The following ENPP2 variants were observed in gnomAD, a reference collection of about 807,000 sequenced individuals.
The protein encoded by ENPP2 is ectonucleotide pyrophosphatase/phosphodiesterase 2, also known as autotaxin.
A neutral mutation model predicts 120.2 loss-of-function variants in ENPP2; 51 were observed. The ratio of observed to expected loss-of-function variants is 0.42; its 90% CI spans 0.34 to 0.54. The LOEUF (loss-of-function observed/expected upper bound fraction) is 0.54. Ranked by LOEUF, ENPP2 falls within the 20% of genes least tolerant of loss-of-function variation. The probability of loss-of-function intolerance (pLI) is 0.04; values close to 1 mark genes in which losing one functional copy is unlikely to be tolerated. For synonymous variants in ENPP2, 365 were observed against 366.4 expected, an observed-to-expected ratio of 1.00 and a Z score of 0.04; for missense variants, 920 against 1,066.5, an observed-to-expected ratio of 0.86 and a Z score of 1.91.
At chr8:119,672,688 T>G (rs1818286063) in intron 1 of ENPP2, among the ~76,000 whole-genome samples, 1 of 152,242 alleles carries the variant, frequency 6.6e-6, no homozygotes, top group Non-Finnish European at 1.5e-5. Context: ...TGCCGAATTG[T>G]GCACGTCAAT....
chr8:119,663,694 G>A (rs1817990129), intron 1 of ENPP2, among the ~76,000 whole-genome samples: 1 of 152,152 alleles, frequency 6.6e-6, no homozygotes, highest in African/African-American at 2.4e-5. Flanking sequence ...TAACTCCCCT[G>A]TGTAGAAGCC....
At chr8:119,571,476 G>A (rs1024003014) in intron 19 of ENPP2, 1 of 152,098 alleles carries the variant, frequency 6.6e-6, no homozygotes, top group Non-Finnish European at 1.5e-5. Flanking sequence ...AGAACTCAAT[G>A]AAGACCCCCA....
At chr8:119,618,561 TTA>T (rs1009830395) in intron 5 of ENPP2, 1 of 312,774 alleles carries the variant, frequency 3.2e-6, no homozygotes, top group African/African-American at 2.2e-5. Context: ...TTTTTTTTTT[TTA>T]GAGGGGGTCT....
chr8:119,560,726 A>G (rs2129891584), intron 24 of ENPP2, among the ~76,000 whole-genome samples: 1 of 152,274 alleles, frequency 6.6e-6, no homozygotes, highest in Middle Eastern at 3.4e-3. Flanking sequence ...CCAAGGTTCT[A>G]CTATGGAAGT....
chr8:119,619,370 A>G, intron 4 of ENPP2, 66 bp from the exon 5 acceptor site: 1 of 1,078,848 alleles, frequency 9.3e-7, no homozygotes, highest in South Asian at 1.3e-5. Context: ...TGAAGCTCAC[A>G]ATTCCAGGAT....
At chr8:119,663,052 G>A (rs976417047) in intron 1 of ENPP2, among the ~76,000 whole-genome samples, 2 of 150,740 alleles carry the variant, frequency 1.3e-5, no homozygotes, top group Non-Finnish European at 2.9e-5. Context: ...GGGAGGTGGA[G>A]GTTCCAGCGA....
chr8:119,672,689 G>A lies in ENPP2; in HGVS notation c.21+563C>T, dbSNP rs1359896616. 1.3e-5 allele frequency among the ~76,000 whole-genome samples: 2 copies of A among 152,242 alleles called. 1 individual carries two copies. Among genetic ancestry groups the A allele is most frequent in the Non-Finnish European group, 2.9e-5 (2 of 68,036 alleles). On this transcript the variant is annotated intron_variant, in intron 1 of 25. Transcript: ENST00000427067. ...CAAGAAACTGGCTGTGCCGAATTGTGCACGTCAATCAACATCTTTGTGGAG... is the reference window on the plus strand; with the variant it reads ...CAAGAAACTGGCTGTGCCGAATTGTACACGTCAATCAACATCTTTGTGGAG...
chr8:119,576,807 T>C (rs928282262), intron 19 of ENPP2, among the ~76,000 whole-genome samples: 4 of 152,130 alleles, frequency 2.6e-5, no homozygotes. Flanking sequence ...GATCCAGAAA[T>C]AACAACAGGC....
chr8:119,568,045 C>T (rs1380132950), intron 22 of ENPP2, 130 bp downstream of exon 22: 51 of 598,380 alleles, frequency 8.5e-5, no homozygotes, highest in Non-Finnish European at 3.0e-6. Context: ...GAAAGATCCT[C>T]AAAAATTATA....
rs749822653 is a variant in ENPP2, at chr8:119,593,903, T to C, written c.973-43A>G. 1.3e-5 allele frequency: 15 copies of C among 1,154,698 alleles called. No individual in the cohort carries two copies. The Admixed American group carries it at 2.4e-4, about 18-fold the overall frequency. The allele number at this position is 1,154,698 out of a possible 1,614,324, so 71.5% of individuals were successfully genotyped here. The stretch of plus-strand genomic sequence containing the variant: ...GTTAGTCCCCACAGGGTTTTCTTTC[T>C]TTCCCTTTCAGTCTCTCATAGATCT... On this transcript the variant is annotated intron_variant, in intron 11 of 24. Coordinates refer to ENST00000075322, the MANE Select transcript of ENPP2 (RefSeq NM_001040092.3).
At chr8:119,576,497 C>T (rs1203276040) in intron 19 of ENPP2, among the ~76,000 whole-genome samples, 1 of 152,122 alleles carries the variant, frequency 6.6e-6, no homozygotes, top group East Asian at 1.9e-4. Flanking sequence ...GATAAGGAGC[C>T]AAGTATACAT....
intron 1 of ENPP2, among the ~76,000 whole-genome samples, chr8:119,649,970 T>C (rs947178418): frequency 2.6e-5 from 4 of 152,146 alleles, no homozygotes; most frequent in African/African-American, 9.7e-5. Context: ...AGTTTGGCAG[T>C]TTCTTAAAAT....
At chr8:119,626,985 G>A (rs1424609331) in intron 2 of ENPP2, among the ~76,000 whole-genome samples, 3 of 152,014 alleles carry the variant, frequency 2.0e-5, no homozygotes, top group Non-Finnish European at 2.9e-5. Flanking sequence ...ACACTTAGCC[G>A]CATGTCAGAC....
chr8:119,583,034 CT>C (rs1157658385), intron 17 of ENPP2, among the ~76,000 whole-genome samples: 2 of 152,236 alleles, frequency 1.3e-5, no homozygotes, highest in African/African-American at 4.8e-5. Context: ...CCTCTAATGA[CT>C]CCACAGAAGT....
At chr8:119,671,882 A>C (rs1818259957) in intron 1 of ENPP2, among the ~76,000 whole-genome samples, 1 of 152,186 alleles carries the variant, frequency 6.6e-6, no homozygotes, top group Admixed American at 6.5e-5. Context: ...TTAAGTATTA[A>C]ATTGTAACTC....
chr8:119,569,189 T>C (rs1302612426), intron 21 of ENPP2, 46 bp downstream of exon 21: 5 of 1,587,572 alleles, frequency 3.1e-6, no homozygotes, highest in Admixed American at 1.7e-5. Flanking sequence ...GATTGCACAA[T>C]GTGACATCCC....
At chr8:119,673,319 GGCC>G (rs1165126582) in exon 1 of ENPP2, 2 of 1,533,340 alleles carry the variant, frequency 1.3e-6, no homozygotes, top group African/African-American at 2.7e-5. Context: ...CTGCGGACGC[GGCC>G]TGGGCTGCAG....
rs879100872 is a variant in ENPP2, at chr8:119,586,040, GT to G, written c.1367+145del. On this transcript the variant is annotated intron_variant, in intron 15 of 24. Coordinates refer to ENST00000075322, the MANE Select transcript of ENPP2 (RefSeq NM_001040092.3). ...GAGATATATTGTCTCAGCACTGATGGTTTATGTAGCCCACAAAATCTTTGGA... is the reference window on the plus strand; with the variant it reads ...GAGATATATTGTCTCAGCACTGATGGTTATGTAGCCCACAAAATCTTTGGA... The G allele has an allele frequency of 3.4e-5, 29 of 853,192 alleles. 1 individual carries two copies. In the South Asian group the frequency reaches 4.4e-4, roughly 13 times the overall value. 52.9% of individuals were successfully genotyped at this position (853,192 alleles called of 1,614,324 possible).
rs539791368 is a variant in ENPP2 at position 119,631,055 on chromosome 8, C to T, written c.137-4335G>A. Among the ~76,000 whole-genome samples the T allele has an allele frequency of 1.9e-4, 29 of 151,642 alleles. No homozygotes were observed. The South Asian group carries it at 4.4e-3, about 23-fold the overall frequency. On this transcript the variant is annotated intron_variant, in intron 2 of 24. Coordinates refer to ENST00000075322, the MANE Select transcript of ENPP2 (RefSeq NM_001040092.3). ...AATAACAGGCACCCGCCACTATGCC[C>T]GGCTAATTTTTTGTATTTTTGGTAG...
Sources: gnomAD v4.1 joint callset for allele counts (sites outside exome capture counted in the v4.1 genomes callset) on GRCh38, gnomAD v4.1.1 for gene constraint, MANE v1.5 for transcripts, NCBI Gene and HGNC (gene_info 2026-07-23, HGNC 2026-07-21) for gene names.